The following FBXL17 variants were observed in gnomAD, a reference collection of about 807,000 sequenced individuals.
FBXL17 encodes F-box and leucine rich repeat protein 17.
In FBXL17, 22 loss-of-function variants were observed where a neutral mutation model predicts 66.2. The ratio of observed to expected loss-of-function variants is 0.33; its 90% confidence interval spans 0.24 to 0.47. The LOEUF (loss-of-function observed/expected upper bound fraction) is 0.47. Ranked by LOEUF, FBXL17 falls within the 20% of genes least tolerant of loss-of-function variation. The pLI is 1.00. For synonymous variants in FBXL17, 474 were observed against 400.5 expected (o/e 1.18, Z -2.19); for missense variants, 878 against 948.2 (o/e 0.93, Z 0.97).
chr5:108,154,482 C>G (rs1184293297), intron 6 of FBXL17, among the ~76,000 whole-genome samples: 1 of 148,680 alleles, frequency 6.7e-6, no homozygotes, highest in Non-Finnish European at 1.5e-5. Flanking sequence ...CCCAGCTACT[C>G]GGGAGTCTGA....
chr5:108,095,754 G>A (rs752709308), intron 6 of FBXL17, among the ~76,000 whole-genome samples: 14 of 151,960 alleles, frequency 9.2e-5, no homozygotes, highest in Non-Finnish European at 1.9e-4. Flanking sequence ...GATGATAAAT[G>A]GCATCATTCA....
chr5:108,093,053 C>T (rs975524117), intron 6 of FBXL17, among the ~76,000 whole-genome samples: 7 of 152,102 alleles, frequency 4.6e-5, no homozygotes, highest in African/African-American at 7.2e-5. Flanking sequence ...AATATTTTAA[C>T]TTTATACCTG....
chr5:108,365,956 A>C, intron 2 of FBXL17, among the ~76,000 whole-genome samples: 1 of 152,138 alleles, frequency 6.6e-6, no homozygotes, highest in South Asian at 2.1e-4. Flanking sequence ...AAATAAAACT[A>C]TACTGAGATT....
At chr5:108,265,314 G>A (rs1462938904) in intron 4 of FBXL17, among the ~76,000 whole-genome samples, 1 of 151,998 alleles carries the variant, frequency 6.6e-6, no homozygotes, top group Non-Finnish European at 1.5e-5. Flanking sequence ...GACATTTAAA[G>A]ATATTAATAC....
chr5:108,049,685 T>G (rs1463003416), intron 6 of FBXL17, among the ~76,000 whole-genome samples: 1 of 152,072 alleles, frequency 6.6e-6, no homozygotes, highest in Non-Finnish European at 1.5e-5. Flanking sequence ...TCAACTAGTG[T>G]GCAAAATAAC....
intron 3 of FBXL17, among the ~76,000 whole-genome samples, chr5:108,357,454 G>A (rs1236911691): frequency 6.6e-6 from 1 of 151,970 alleles, no homozygotes; most frequent in Non-Finnish European, 1.5e-5. Context: ...TAAAGGCATA[G>A]TTCAACTCAA....
intron 3 of FBXL17, among the ~76,000 whole-genome samples, chr5:108,359,348 C>CT (rs1243919985): frequency 6.6e-6 from 1 of 152,072 alleles, no homozygotes; most frequent in East Asian, 1.9e-4. Flanking sequence ...CCTCCACGAA[C>CT]TTTGGGTTTA....
intron 6 of FBXL17, among the ~76,000 whole-genome samples, chr5:108,070,252 T>G (rs1748278109): frequency 6.6e-6 from 1 of 152,214 alleles, no homozygotes; most frequent in Admixed American, 6.5e-5. Context: ...AGGTTAATGA[T>G]GGTTTCCTTC....
chr5:108,037,236 A>C (rs1746881941), intron 6 of FBXL17, among the ~76,000 whole-genome samples: 1 of 152,206 alleles, frequency 6.6e-6, no homozygotes. Flanking sequence ...TGGGTATTGA[A>C]AATTATAAAG....
At chr5:108,234,574 A>G (rs1580665123) in intron 4 of FBXL17, among the ~76,000 whole-genome samples, 1 of 152,294 alleles carries the variant, frequency 6.6e-6, no homozygotes, top group Middle Eastern at 3.4e-3. Flanking sequence ...TTTAACCTCC[A>G]GAGAAGTAGA....
chr5:108,076,976 T>C (rs1748576955), intron 6 of FBXL17, among the ~76,000 whole-genome samples: 1 of 152,192 alleles, frequency 6.6e-6, no homozygotes, highest in African/African-American at 2.4e-5. Context: ...GTCTGGTGCC[T>C]TGTCTATATG....
chr5:108,206,764 A>C (rs777343574), intron 5 of FBXL17, among the ~76,000 whole-genome samples: 1 of 152,198 alleles, frequency 6.6e-6, no homozygotes. Flanking sequence ...GTTTATACAT[A>C]CACCAACTGA....
chr5:108,019,650 C>G (rs181254375), intron 7 of FBXL17, among the ~76,000 whole-genome samples: 59 of 151,614 alleles, frequency 3.9e-4, no homozygotes, highest in African/African-American at 1.3e-3. Context: ...ATAATACACA[C>G]ATACACACAC....
At chr5:108,157,162 C>G (rs572448970) in intron 6 of FBXL17, among the ~76,000 whole-genome samples, 29 of 146,554 alleles carry the variant, frequency 2.0e-4, no homozygotes, top group Non-Finnish European at 3.7e-4. Flanking sequence ...GCACTCCTAT[C>G]TATGGCACTG....
At position 108,381,915 on chromosome 5, in the gene FBXL17, G is replaced by A. The variant is rs561444704; in HGVS notation, c.-224C>T. 22 of 1,262,724 alleles carry A rather than the reference G, an allele frequency of 1.7e-5. No homozygotes were observed. The South Asian group carries it at 5.0e-4, about 29-fold the overall frequency. The allele number at this position is 1,262,724 out of a possible 1,614,324, so 78.2% of individuals were successfully genotyped here. A position where few individuals can be genotyped will look rare whatever the true frequency, so the allele number is the denominator to read the frequency against. On this transcript the variant is annotated 5_prime_UTR_variant, in exon 1 of 9. Transcript: ENST00000542267. The stretch of plus-strand genomic sequence containing the variant: ...GCTACATGCTTTGCCCAGGGAAGCC[G>A]GGAGAACGATGGGCGCGAGCTTTGG...
chr5:108,055,342 C>A lies in FBXL17; in HGVS notation c.1746-34341G>T, dbSNP rs192307242. Among the ~76,000 whole-genome samples, 379 of 137,178 alleles carry A rather than the reference C, an allele frequency of 2.8e-3. 2 individuals are homozygous for A. Among genetic ancestry groups the A allele is most frequent in the African/African-American group, 9.1e-3 (337 of 37,200 alleles). 90.0% of individuals were successfully genotyped at this position (137,178 alleles called of 152,430 possible). ...AAACGCTTCAGGCCGGGCACGGTGG[C>A]TCATGCCTGTAATCCCAGCACTTTG... On this transcript the variant is annotated intron_variant, in intron 6 of 8. Coordinates refer to ENST00000542267, the MANE Select transcript of FBXL17 (RefSeq NM_001163315.3).
intron 4 of FBXL17, among the ~76,000 whole-genome samples, chr5:108,300,695 C>G (rs1003709849): frequency 6.6e-6 from 1 of 151,576 alleles, no homozygotes; most frequent in Admixed American, 6.6e-5. Flanking sequence ...AAATAACTCA[C>G]TTAGCTTTTC....
chr5:108,052,347 C>CT (rs1410023236), intron 6 of FBXL17, among the ~76,000 whole-genome samples: 2 of 152,130 alleles, frequency 1.3e-5, no homozygotes, highest in African/African-American at 4.8e-5. Flanking sequence ...CCACAAGCAG[C>CT]TTCAGCAAAG....
chr5:108,225,396 C>A (rs1024234389), intron 4 of FBXL17, among the ~76,000 whole-genome samples: 1 of 152,098 alleles, frequency 6.6e-6, no homozygotes, highest in Non-Finnish European at 1.5e-5. Context: ...GCAGCTATTT[C>A]CAATAGTGAA....
Sources: allele counts gnomAD v4.1 joint callset (sites outside exome capture counted in the v4.1 genomes callset), GRCh38; gene constraint gnomAD v4.1.1; transcripts MANE v1.5; gene names NCBI Gene and HGNC (gene_info 2026-07-23, HGNC 2026-07-21).